Variants in SLC8A1 observed in about 807,000 individuals in gnomAD.
The protein encoded by SLC8A1 is solute carrier family 8 member A1.
In SLC8A1, 18 loss-of-function variants were observed where a neutral mutation model predicts 68.3. The ratio of observed to expected loss-of-function variants is 0.26; its 90% confidence interval spans 0.18 to 0.39. The LOEUF is 0.39. Among genes scored for constraint, SLC8A1 ranks in the 10% least tolerant of loss-of-function variants. SLC8A1 has a pLI of 1.00. For synonymous variants in SLC8A1, 475 were observed against 415.5 expected (o/e 1.14, Z -1.74); for missense variants, 985 against 1,156.7 (o/e 0.85, Z 2.15).
At chr2:40,262,944 T>C (rs1293743137) in intron 2 of SLC8A1, among the ~76,000 whole-genome samples, 1 of 152,198 alleles carries the variant, frequency 6.6e-6, no homozygotes, top group Non-Finnish European at 1.5e-5. Context: ...ATCAGTACAG[T>C]AACAATGTCC....
chr2:40,140,185 T>C (rs774034102), intron 6 of SLC8A1, among the ~76,000 whole-genome samples: 3 of 152,206 alleles, frequency 2.0e-5, no homozygotes, highest in Non-Finnish European at 4.4e-5. Context: ...TGCATATTTC[T>C]CCAGCGTCAT....
chr2:40,322,974 T>C (rs1434360719), intron 2 of SLC8A1, among the ~76,000 whole-genome samples: 1 of 152,140 alleles, frequency 6.6e-6, no homozygotes, highest in Non-Finnish European at 1.5e-5. Flanking sequence ...AGAAGAGGCA[T>C]ATTCCATTTC....
At chr2:40,306,347 A>T (rs1483433794) in intron 2 of SLC8A1, among the ~76,000 whole-genome samples, 1 of 152,116 alleles carries the variant, frequency 6.6e-6, no homozygotes, top group Non-Finnish European at 1.5e-5. Context: ...ATCTTAATAT[A>T]GAGGCAGGAA....
chr2:40,307,559 A>G lies in SLC8A1; in HGVS notation c.1808+120914T>C, dbSNP rs192261371. On this transcript the variant is annotated intron_variant, in intron 2 of 7. Transcript: ENST00000406785. ...TTACTACAATGAAGTTTTTAAAAAG[A>G]TATAAATAATTCAGCGAAAGGAAAC... is the stretch of plus-strand genomic sequence containing the variant. Among the ~76,000 whole-genome samples the G allele has an allele frequency of 2.6e-5, 4 of 152,358 alleles. No homozygotes were observed. The East Asian group carries it at 7.7e-4, about 29-fold the overall frequency.
At chr2:40,323,728 G>A (rs992076591) in intron 2 of SLC8A1, among the ~76,000 whole-genome samples, 4 of 151,944 alleles carry the variant, frequency 2.6e-5, no homozygotes, top group East Asian at 1.9e-4. Context: ...CTACCCAAAC[G>A]GCTTCCGAGA....
chr2:40,472,167 C>A (rs937270229), intron 1 of SLC8A1, among the ~76,000 whole-genome samples: 3 of 152,134 alleles, frequency 2.0e-5, no homozygotes, highest in African/African-American at 7.2e-5. Flanking sequence ...TATATGACAA[C>A]CTTGCAGTAA....
chr2:40,130,003 A>G (rs2038998011), intron 7 of SLC8A1, among the ~76,000 whole-genome samples: 1 of 152,156 alleles, frequency 6.6e-6, no homozygotes, highest in African/African-American at 2.4e-5. Context: ...GGTAAATGAC[A>G]TCATTGTTAT....
intron 2 of SLC8A1, among the ~76,000 whole-genome samples, chr2:40,320,449 T>C (rs962197640): frequency 3.3e-5 from 5 of 152,234 alleles, no homozygotes; most frequent in Non-Finnish European, 7.4e-5. Flanking sequence ...TTTTAATGAG[T>C]TGTGTGTGTT....
At chr2:40,176,626 T>C (rs1461850403) in intron 3 of SLC8A1, among the ~76,000 whole-genome samples, 1 of 152,192 alleles carries the variant, frequency 6.6e-6, no homozygotes, top group African/African-American at 2.4e-5. Context: ...TACGTGTTTT[T>C]TCCCCACCAG....
At chr2:40,504,983 T>C (rs1706275658) in intron 1 of SLC8A1, among the ~76,000 whole-genome samples, 1 of 151,940 alleles carries the variant, frequency 6.6e-6, no homozygotes, top group African/African-American at 2.4e-5. Context: ...AGGATATCAA[T>C]ATATGGAAGT....
upstream of SLC8A1, among the ~76,000 whole-genome samples, chr2:40,454,480 CTTTTTTTTTT>C (rs543088073): frequency 1.2e-4 from 14 of 119,540 alleles, no homozygotes; most frequent in African/African-American, 4.4e-4. Flanking sequence ...TGTCTTAAGA[CTTTTTTTTTT>C]TTTTTTTTTG....
chr2:40,501,192 C>G (rs370484002), intron 1 of SLC8A1, among the ~76,000 whole-genome samples: 1 of 152,018 alleles, frequency 6.6e-6, no homozygotes, highest in East Asian at 1.9e-4. Context: ...ATCACCTTAT[C>G]TAAAACTGCT....
chr2:40,321,544 A>G (rs529401683), intron 2 of SLC8A1, among the ~76,000 whole-genome samples: 169 of 152,242 alleles, frequency 1.1e-3, no homozygotes, highest in Admixed American at 2.6e-3. Context: ...AAGAGGTTTA[A>G]TTGACTCACA....
intron 2 of SLC8A1, among the ~76,000 whole-genome samples, chr2:40,399,993 G>A (rs539510776): frequency 1.3e-5 from 2 of 152,202 alleles, no homozygotes; most frequent in African/African-American, 4.8e-5. Flanking sequence ...ACATTGTATA[G>A]AAAAGCACTG....
At position 40,439,512 on chromosome 2, in the gene SLC8A1, G is replaced by C. The variant is rs537313513; in HGVS notation, c.-24-9208C>G. Among the ~76,000 whole-genome samples, 3 of 152,232 alleles carry C rather than the reference G, an allele frequency of 2.0e-5. No homozygotes were observed. In the South Asian group the frequency reaches 6.2e-4, roughly 32 times the overall value. On this transcript the variant is annotated intron_variant, in intron 1 of 7. Transcript: ENST00000406785. ...TTTCTTCTTTCTAGTCTGCCTCTTG[G>C]AACTGGGGATGTTTAATACAGAAAC...
At chr2:40,240,191 G>A (rs533049953) in intron 2 of SLC8A1, among the ~76,000 whole-genome samples, 2 of 152,348 alleles carry the variant, frequency 1.3e-5, no homozygotes, top group Admixed American at 1.3e-4. Context: ...AGTGGGAAAT[G>A]ATTATCCCTA....
chr2:40,399,594 A>G (rs1406790107), intron 2 of SLC8A1, among the ~76,000 whole-genome samples: 4 of 152,202 alleles, frequency 2.6e-5, no homozygotes, highest in Non-Finnish European at 5.9e-5. Context: ...ATGAAAAACC[A>G]TCTAAATGCT....
intron 2 of SLC8A1, among the ~76,000 whole-genome samples, chr2:40,399,256 G>A (rs1470162906): frequency 1.3e-5 from 2 of 152,020 alleles, no homozygotes; most frequent in African/African-American, 4.8e-5. Context: ...ACATGCCTTC[G>A]GAAAACCAAA....
intron 6 of SLC8A1, among the ~76,000 whole-genome samples, chr2:40,142,804 G>T (rs1368337203): frequency 6.6e-6 from 1 of 152,106 alleles, no homozygotes; most frequent in African/African-American, 2.4e-5. Flanking sequence ...CTCCATTTAA[G>T]ATTGTTACTG....
Sources: gnomAD v4.1 joint callset for allele counts (sites outside exome capture counted in the v4.1 genomes callset) on GRCh38, gnomAD v4.1.1 for gene constraint, MANE v1.5 for transcripts, NCBI Gene and HGNC (gene_info 2026-07-23, HGNC 2026-07-21) for gene names.